The following USP37 variants were observed in gnomAD, a reference collection of about 807,000 sequenced individuals.
The protein encoded by USP37 is ubiquitin specific peptidase 37.
Under a neutral mutation model 124.0 loss-of-function variants are expected in USP37, and 27 were observed. That is an observed-to-expected ratio of 0.22 (90% CI 0.16 to 0.30). USP37 has a LOEUF of 0.30. USP37 is among the 10% of genes least tolerant of loss of function. The pLI is 1.00. For missense variants in USP37, 889 were observed against 1,140.4 expected, an observed-to-expected ratio of 0.78 and a Z score of 3.17; for synonymous variants, 365 against 388.0, an observed-to-expected ratio of 0.94 and a Z score of 0.70.
intron 11 of USP37, among the ~76,000 whole-genome samples, chr2:218,506,916 C>T (rs1689713146): frequency 6.6e-6 from 1 of 151,886 alleles, no homozygotes; most frequent in Admixed American, 6.6e-5. Context: ...CCTGCCTCAG[C>T]CTCCCGAATA....
intron 10 of USP37, among the ~76,000 whole-genome samples, chr2:218,521,479 T>A (rs1449208755): frequency 6.6e-6 from 1 of 152,072 alleles, no homozygotes; most frequent in Non-Finnish European, 1.5e-5. Flanking sequence ...CCTAATGCCC[T>A]CCCCTCCCCT....
chr2:218,566,178 C>T (rs1269817383), intron 1 of USP37, among the ~76,000 whole-genome samples: 1 of 152,180 alleles, frequency 6.6e-6, no homozygotes, highest in African/African-American at 2.4e-5. Context: ...GAGAAGGTAT[C>T]ACTTAAGTTG....
intron 16 of USP37, 57 bp from the exon 17 acceptor site, chr2:218,482,291 T>C: frequency 1.3e-6 from 2 of 1,540,172 alleles, no homozygotes; most frequent in South Asian, 1.2e-5. Context: ...GTATCTTTCT[T>C]ACAGTAAAAG....
intron 11 of USP37, among the ~76,000 whole-genome samples, chr2:218,506,989 G>A (rs959973084): frequency 2.0e-5 from 3 of 151,858 alleles, no homozygotes; most frequent in African/African-American, 7.3e-5. Context: ...AGTAGAGACA[G>A]GGTTCATCAT....
At chr2:218,462,291 C>T (rs1469486091) in intron 22 of USP37, among the ~76,000 whole-genome samples, 3 of 152,056 alleles carry the variant, frequency 2.0e-5, no homozygotes, top group Admixed American at 6.6e-5. Flanking sequence ...GCAGAGATCA[C>T]GCCTCTGCAC....
intron 5 of USP37, 27 bp downstream of exon 5, chr2:218,553,526 T>G (rs1188067855): frequency 3.8e-6 from 6 of 1,573,130 alleles, no homozygotes; most frequent in Non-Finnish European, 5.2e-6. Flanking sequence ...AATACTAACG[T>G]TAGACCCTGG....
chr2:218,517,870 ACT>A (rs1190769596), intron 10 of USP37, among the ~76,000 whole-genome samples: 3 of 151,624 alleles, frequency 2.0e-5, no homozygotes, highest in Non-Finnish European at 1.5e-5. Context: ...GTCTCTTAAC[ACT>A]CTCCTGTATT....
At chr2:218,459,943 G>T in intron 22 of USP37, 38 bp from the exon 23 acceptor site, 1 of 1,521,922 alleles carries the variant, frequency 6.6e-7, no homozygotes, top group Non-Finnish European at 9.1e-7. Flanking sequence ...AAAAGTTCTT[G>T]GAATAGAATG....
chr2:218,534,210 C>T (rs1024585380), intron 9 of USP37, among the ~76,000 whole-genome samples: 3 of 152,158 alleles, frequency 2.0e-5, no homozygotes, highest in East Asian at 1.9e-4. Flanking sequence ...CAGATTAGGC[C>T]GGGCATGGTG....
intron 10 of USP37, among the ~76,000 whole-genome samples, chr2:218,517,469 A>G (rs1690359450): frequency 6.6e-6 from 1 of 152,142 alleles, no homozygotes; most frequent in Non-Finnish European, 1.5e-5. Flanking sequence ...TGTCTATTTC[A>G]CCTTTACTTC....
Position 218,538,577 on chromosome 2 carries a change from G to C in USP37, c.681-3871C>G, listed in dbSNP as rs187980699. The stretch of plus-strand genomic sequence containing the variant: ...TTTCCACAAAGGGACCATGAATAAC[G>C]TAACAGCCATGGTGGCAGATAGAAG... On this transcript the variant is annotated intron_variant, in intron 8 of 25. Coordinates refer to ENST00000258399, the MANE Select transcript of USP37 (RefSeq NM_020935.3). Among the ~76,000 whole-genome samples, 245 of 152,246 alleles carry C rather than the reference G, an allele frequency of 1.6e-3. 2 individuals are homozygous for C. Among genetic ancestry groups the C allele is most frequent in the African/African-American group, 5.6e-3 (232 of 41,550 alleles).
rs1331639209 is a variant in USP37 at position 218,458,273 on chromosome 2, A to AC, written c.2644-1113_2644-1112insG. On this transcript the variant is annotated intron_variant, in intron 23 of 25. Coordinates refer to ENST00000258399, the MANE Select transcript of USP37 (RefSeq NM_020935.3). ...TTGCCTAAAAAAAAAAAAAAAAAAA[A>AC]AAACAACTCTATGTTTGGCCAGGTG... 1.3e-5 allele frequency among the ~76,000 whole-genome samples: 2 copies of AC among 149,970 alleles called. 1 individual carries two copies. The highest frequency in any genetic ancestry group is 4.2e-4 in the South Asian group (2 of 4,776).
intron 15 of USP37, 106 bp downstream of exon 15, chr2:218,488,193 AAAAAG>A: frequency 2.9e-5 from 18 of 630,606 alleles, no homozygotes; most frequent in South Asian, 8.5e-5. Context: ...AAAAAAAAAA[AAAAAG>A]AAAAGAAAAG....
At chr2:218,466,359 T>G (rs1043355658) in intron 20 of USP37, among the ~76,000 whole-genome samples, 183 bp from the exon 21 acceptor site, 6 of 152,168 alleles carry the variant, frequency 3.9e-5, no homozygotes, top group African/African-American at 1.4e-4. Flanking sequence ...ATTGACATTT[T>G]GGGTGGGACA....
At chr2:218,559,551 A>C (rs1434950601) in intron 3 of USP37, among the ~76,000 whole-genome samples, 1 of 152,002 alleles carries the variant, frequency 6.6e-6, no homozygotes, top group Non-Finnish European at 1.5e-5. Flanking sequence ...CAAACAAAAA[A>C]CCTCTCTTCC....
chr2:218,529,508 G>T (rs2106024403), intron 10 of USP37, among the ~76,000 whole-genome samples: 1 of 151,866 alleles, frequency 6.6e-6, no homozygotes, highest in Admixed American at 6.6e-5. Flanking sequence ...TTCTGTAGAG[G>T]CCAGGAGCAG....
chr2:218,474,232 G>A (rs568062956), intron 20 of USP37, among the ~76,000 whole-genome samples: 1 of 152,258 alleles, frequency 6.6e-6, no homozygotes, highest in South Asian at 2.1e-4. Context: ...TATACCTAAA[G>A]GGATATGGCA....
At chr2:218,523,041 C>T (rs1469447880) in intron 10 of USP37, among the ~76,000 whole-genome samples, 3 of 152,036 alleles carry the variant, frequency 2.0e-5, no homozygotes, top group African/African-American at 7.2e-5. Context: ...TTTGGGAGGC[C>T]GAGACGGGTG....
At chr2:218,470,539 CA>C (rs1690623214) in intron 20 of USP37, among the ~76,000 whole-genome samples, 1 of 152,146 alleles carries the variant, frequency 6.6e-6, no homozygotes, top group African/African-American at 2.4e-5. Flanking sequence ...GCCTTTGAAA[CA>C]AAAGTCCAAA....
Sources: allele counts gnomAD v4.1 joint callset (sites outside exome capture counted in the v4.1 genomes callset), GRCh38; gene constraint gnomAD v4.1.1; transcripts MANE v1.5; gene names NCBI Gene and HGNC (gene_info 2026-07-23, HGNC 2026-07-21).